CPVL: variants seen among roughly 807,000 people sequenced by gnomAD.
CPVL encodes carboxypeptidase vitellogenic like.
CPVL carries 51 observed loss-of-function variants against 63.7 expected under a neutral mutation model. That is an observed-to-expected ratio of 0.80 (90% CI 0.64 to 1.01). The LOEUF is 1.01. CPVL is among the 50% of genes least tolerant of loss of function. The pLI, the probability that CPVL is intolerant of heterozygous loss-of-function variation, is 0.00. For synonymous variants in CPVL, 195 were observed against 206.0 expected, an observed-to-expected ratio of 0.95 and a Z score of 0.46; for missense variants, 530 against 573.1, an observed-to-expected ratio of 0.92 and a Z score of 0.77.
At chr7:29,178,144 A>G (rs1159764568) in intron 5 of CPVL, among the ~76,000 whole-genome samples, 1 of 152,148 alleles carries the variant, frequency 6.6e-6, no homozygotes, top group African/African-American at 2.4e-5. Context: ...TGTCCACACC[A>G]TCAGCCTTTC....
chr7:29,151,360 G>A (rs374701285), upstream of CPVL, among the ~76,000 whole-genome samples: 4 of 152,086 alleles, frequency 2.6e-5, no homozygotes, highest in Non-Finnish European at 2.9e-5. Context: ...ATGGTTTAGC[G>A]CCCTTTAGCA....
At chr7:29,174,506 G>A (rs1797018243) in intron 5 of CPVL, among the ~76,000 whole-genome samples, 2 of 152,306 alleles carry the variant, frequency 1.3e-5, no homozygotes, top group South Asian at 4.1e-4. Context: ...CACAAAGCAG[G>A]ATGGAACATG....
intron 6 of CPVL, among the ~76,000 whole-genome samples, chr7:29,088,865 C>T (rs532889926): frequency 1.0e-3 from 152 of 152,216 alleles, no homozygotes; most frequent in African/African-American, 3.6e-3. Flanking sequence ...GTCCCAGCTA[C>T]TCAGGAGGCT....
At chr7:29,063,980 AG>A in intron 11 of CPVL, 80 bp downstream of exon 11, 4 of 889,438 alleles carry the variant, frequency 4.5e-6, no homozygotes, top group Non-Finnish European at 3.4e-6. Context: ...AAAAAAAAAA[AG>A]GCAGGACTCA....
intron 11 of CPVL, among the ~76,000 whole-genome samples, chr7:29,062,267 C>T (rs1782687369): frequency 6.6e-6 from 1 of 152,010 alleles, no homozygotes; most frequent in South Asian, 2.1e-4. Flanking sequence ...TTAGAGTGTG[C>T]CATGTACACC....
At chr7:29,022,462 A>G (rs1787096188) in intron 12 of CPVL, among the ~76,000 whole-genome samples, 1 of 152,120 alleles carries the variant, frequency 6.6e-6, no homozygotes, top group African/African-American at 2.4e-5. Context: ...TCAACCACAC[A>G]CACTGCCACA....
chr7:29,091,418 G>A (rs1026033679), intron 6 of CPVL, among the ~76,000 whole-genome samples: 2 of 152,144 alleles, frequency 1.3e-5, no homozygotes. Flanking sequence ...GTGGGGGCGG[G>A]GAGTAGGTTT....
In CPVL at chr7:29,086,534, A is replaced by G. The variant is rs143508754; in HGVS notation, c.559T>C (p.Phe187Leu). 94 of 1,610,288 alleles carry G rather than the reference A, an allele frequency of 5.8e-5. No individual in the cohort carries two copies. The highest frequency in any genetic ancestry group is 7.5e-5 in the Non-Finnish European group (88 of 1,176,714). Residue 187 changes from phenylalanine to leucine, a missense_variant, in exon 7 of 13, where the codon TTC (phenylalanine) becomes CTC (leucine). Physicochemically the swap from Phe to Leu is conservative, Grantham distance 22. Transcript: ENST00000265394. ...TTTTTATATTCAGGAAATATCTGGA[A>G]AAACTGAATTAGTGCACTGCAAAAA... ...RDLYSALIQF[F>L]QIFPEYKNND...
intron 12 of CPVL, among the ~76,000 whole-genome samples, chr7:28,996,549 C>CAAAAAAAAAAAAAAACAAAAAAAA (rs549584191): frequency 8.8e-6 from 1 of 113,564 alleles, no homozygotes. Flanking sequence ...AACCAAAAAA[C>CAAAAAAAAAAAAAAACAAAAAAAA]AAAAAAAAAA....
At chr7:28,995,981 T>G in intron 12 of CPVL, 99 bp from the exon 13 acceptor site, 1 of 692,510 alleles carries the variant, frequency 1.4e-6, no homozygotes, top group Non-Finnish European at 2.3e-6. Context: ...AAAACTCACA[T>G]GAAATACAGA....
At chr7:29,111,638 CA>C (rs1788242369) in intron 3 of CPVL, among the ~76,000 whole-genome samples, 1 of 152,182 alleles carries the variant, frequency 6.6e-6, no homozygotes, top group African/African-American at 2.4e-5. Context: ...TTACATGCCC[CA>C]ACCTGACCAC....
At chr7:29,017,451 C>A (rs891620791) in intron 12 of CPVL, among the ~76,000 whole-genome samples, 1 of 152,070 alleles carries the variant, frequency 6.6e-6, no homozygotes, top group Non-Finnish European at 1.5e-5. Flanking sequence ...CTGGCCAACA[C>A]GGTGAAACCC....
chr7:29,131,322 A>C (rs1338354812), intron 1 of CPVL, among the ~76,000 whole-genome samples: 4 of 152,234 alleles, frequency 2.6e-5, no homozygotes, highest in African/African-American at 9.6e-5. Context: ...ATTTTATATG[A>C]GGATAATCCT....
At chr7:29,175,690 G>A (rs1409332272) in intron 5 of CPVL, among the ~76,000 whole-genome samples, 2 of 152,050 alleles carry the variant, frequency 1.3e-5, no homozygotes, top group African/African-American at 4.8e-5. Context: ...CAGATAAATT[G>A]ATTGATAGCC....
intron 11 of CPVL, among the ~76,000 whole-genome samples, chr7:29,032,760 T>C (rs765994): frequency 0.11 from 16,903 of 152,242 alleles, 2,886 homozygotes; most frequent in African/African-American, 0.37. Context: ...CTTGCATCTC[T>C]CATGTGTCTC....
intron 5 of CPVL, among the ~76,000 whole-genome samples, chr7:29,180,824 G>T (rs956957163): frequency 1.3e-5 from 2 of 152,122 alleles, no homozygotes; most frequent in African/African-American, 4.8e-5. Flanking sequence ...GACAAGACTC[G>T]TATCATCCGT....
At chr7:29,155,032 C>T (rs867437867) in intron 5 of CPVL, among the ~76,000 whole-genome samples, 127 of 152,124 alleles carry the variant, frequency 8.3e-4, no homozygotes, top group African/African-American at 3.0e-3. Flanking sequence ...AAACTCCCCT[C>T]TTTAAAACCA....
At chr7:29,037,914 G>A (rs1788707695) in intron 11 of CPVL, among the ~76,000 whole-genome samples, 1 of 152,084 alleles carries the variant, frequency 6.6e-6, no homozygotes, top group African/African-American at 2.4e-5. Flanking sequence ...TCTAAATAGT[G>A]GAAATAGCTA....
intron 12 of CPVL, among the ~76,000 whole-genome samples, chr7:29,003,025 A>G (rs117098266): frequency 0.081 from 8,222 of 101,644 alleles, 280 homozygotes; most frequent in Middle Eastern, 0.15. Flanking sequence ...AAAATTGACA[A>G]AAGTTACCAA....
Sources: allele counts gnomAD v4.1 joint callset (sites outside exome capture counted in the v4.1 genomes callset), GRCh38; gene constraint gnomAD v4.1.1; transcripts MANE v1.5; gene names NCBI Gene and HGNC (gene_info 2026-07-23, HGNC 2026-07-21).